Variants in ITPK1 observed in about 807,000 individuals in gnomAD.
ITPK1 encodes the protein inositol-tetrakisphosphate 1-kinase.
ITPK1 carries 21 observed loss-of-function variants against 45.3 expected under a neutral mutation model. The observed-to-expected ratio is 0.46, with a 90% CI of 0.33 to 0.67. ITPK1 has a LOEUF of 0.67. Among genes scored for constraint, ITPK1 ranks in the 30% least tolerant of loss-of-function variants. The pLI is 0.02. For synonymous variants in ITPK1, 258 were observed against 253.6 expected (o/e 1.02, Z -0.16); for missense variants, 474 against 573.5 (o/e 0.83, Z 1.77).
Position 92,951,291 on chromosome 14 carries a change from G to A in ITPK1, c.738+655C>T, listed in dbSNP as rs572092787. Among the ~76,000 whole-genome samples the A allele has an allele frequency of 5.1e-4, 77 of 152,362 alleles. No individual in the cohort carries two copies. The Middle Eastern group carries it at 0.031, about 61-fold the overall frequency. On this transcript the variant is annotated intron_variant, in intron 9 of 10. Transcript: ENST00000267615. ...TCAGGAATCACTGGTGAGGTCAGAA[G>A]TCCTAAATTCCTGGAAGATCCAACT...
At chr14:93,007,195 G>A (rs974000322) in intron 4 of ITPK1, among the ~76,000 whole-genome samples, 2 of 152,140 alleles carry the variant, frequency 1.3e-5, no homozygotes, top group Admixed American at 6.5e-5. Context: ...GCAGCCCCAC[G>A]CCCCCTAAGC....
At chr14:92,971,619 G>A (rs926556004) in intron 5 of ITPK1, among the ~76,000 whole-genome samples, 1 of 152,238 alleles carries the variant, frequency 6.6e-6, no homozygotes, top group Non-Finnish European at 1.5e-5. Flanking sequence ...CAGCACTGAT[G>A]CCACAATGCC....
At position 93,012,139 on chromosome 14, in the gene ITPK1, C is replaced by T. The variant is rs931834951; in HGVS notation, c.246+4537G>A. Among the ~76,000 whole-genome samples, 1 of 152,070 alleles carries T rather than the reference C, an allele frequency of 6.6e-6. No individual in the cohort carries two copies. The highest frequency in any genetic ancestry group is 1.5e-5 in the Non-Finnish European group (1 of 68,018). ...AGGCCGCCCCAGCGCATGACCAGCA[C>T]TGGGCATGCGCCGCCACCCAAACAC... On this transcript the variant is annotated intron_variant, in intron 4 of 10. Coordinates refer to ENST00000267615, the MANE Select transcript of ITPK1 (RefSeq NM_014216.6). The surrounding 1 kb of genome is among the most constrained non-coding windows in gnomAD (Gnocchi z 4.9).
At chr14:93,030,162 T>C (rs1165554448) in intron 3 of ITPK1, among the ~76,000 whole-genome samples, 2 of 152,226 alleles carry the variant, frequency 1.3e-5, no homozygotes, top group South Asian at 2.1e-4. Flanking sequence ...GCACCCCGCA[T>C]TTACACTCAG....
At chr14:92,970,040 C>G (rs1395521144) in intron 5 of ITPK1, among the ~76,000 whole-genome samples, 2 of 152,130 alleles carry the variant, frequency 1.3e-5, no homozygotes, top group Non-Finnish European at 2.9e-5. Flanking sequence ...AGGCTGGCCT[C>G]CCGCGTCACA....
chr14:92,986,460 C>T (rs1352736675), intron 5 of ITPK1, among the ~76,000 whole-genome samples: 5 of 152,180 alleles, frequency 3.3e-5, no homozygotes, highest in Non-Finnish European at 5.9e-5. Context: ...AGTCTGTTCA[C>T]CAACTGGCCT....
Position 93,106,964 on chromosome 14 carries a change from C to CTT in ITPK1, c.95+8103_95+8104dup, listed in dbSNP as rs36024862. On this transcript the variant is annotated intron_variant, in intron 2 of 10. Transcript: ENST00000267615. ...AGGCAGTTATTGATCCACTAACATA[C>CTT]TTTTTTTTTTTGAGACAGAGTCCAG... 9.3e-3 allele frequency among the ~76,000 whole-genome samples: 1,391 copies of CTT among 148,920 alleles called. 24 individuals are homozygous for CTT. Among genetic ancestry groups the CTT allele is most frequent in the African/African-American group, 0.032 (1,305 of 40,656 alleles).
intron 9 of ITPK1, 124 bp from the exon 10 acceptor site, chr14:92,946,617 G>T: frequency 1.0e-6 from 1 of 972,646 alleles, no homozygotes; most frequent in South Asian, 1.5e-5. Flanking sequence ...AAGCCAGACA[G>T]ACCTACTGTG....
At chr14:93,060,726 C>G (rs1890482144) in intron 3 of ITPK1, among the ~76,000 whole-genome samples, 1 of 152,104 alleles carries the variant, frequency 6.6e-6, no homozygotes, top group African/African-American at 2.4e-5. Flanking sequence ...GTAGAAAGAG[C>G]CTAGGCCATA....
intron 3 of ITPK1, among the ~76,000 whole-genome samples, chr14:93,053,602 G>A (rs1890108552): frequency 6.6e-6 from 1 of 152,242 alleles, no homozygotes; most frequent in African/African-American, 2.4e-5. Context: ...CACAGAATGT[G>A]CAACACCAAG....
intron 3 of ITPK1, among the ~76,000 whole-genome samples, chr14:93,035,158 T>C (rs1015888815): frequency 2.6e-5 from 4 of 152,224 alleles, no homozygotes; most frequent in African/African-American, 7.2e-5. Context: ...CTGTGGGACC[T>C]TGGTCACATT....
intron 3 of ITPK1, among the ~76,000 whole-genome samples, chr14:93,075,326 C>CAAAAAAA (rs58089863): frequency 1.1e-4 from 6 of 53,972 alleles, no homozygotes; most frequent in African/African-American, 1.4e-4. Context: ...GACTCCTTCT[C>CAAAAAAA]AAAAAAAAAA....
At position 93,076,710 on chromosome 14, in the gene ITPK1, C is replaced by T. The variant is rs1891236091; in HGVS notation, c.96-91G>A. 6.6e-7 allele frequency: 1 copy of T among 1,515,312 alleles called. No homozygotes were observed. Among genetic ancestry groups the T allele is most frequent in the Non-Finnish European group, 9.2e-7 (1 of 1,092,006 alleles). 93.9% of individuals were successfully genotyped at this position (1,515,312 alleles called of 1,614,324 possible). On this transcript the variant is annotated intron_variant, in intron 2 of 10. Transcript: ENST00000267615. This position sits in a 1 kb window ranked among gnomAD's most constrained non-coding sequence, Gnocchi z 4.3. Reference sequence around the variant, plus strand: ...CCCGACAGCCGGCTGAGGGCAGGACCATGAGAGGGTTTCAGGAGGGAGCCG... The same window carrying T: ...CCCGACAGCCGGCTGAGGGCAGGACTATGAGAGGGTTTCAGGAGGGAGCCG...
intron 3 of ITPK1, among the ~76,000 whole-genome samples, chr14:93,061,208 G>A (rs1890505228): frequency 1.3e-5 from 2 of 152,248 alleles, no homozygotes; most frequent in East Asian, 3.8e-4. Flanking sequence ...CAGATCTGGG[G>A]CCAGGCTGTG....
At chr14:93,062,723 A>G (rs1353831995) in intron 3 of ITPK1, among the ~76,000 whole-genome samples, 1 of 152,156 alleles carries the variant, frequency 6.6e-6, no homozygotes, top group Non-Finnish European at 1.5e-5. Flanking sequence ...TTGAAGTCGT[A>G]AAGCAGGTCA....
intron 3 of ITPK1, among the ~76,000 whole-genome samples, chr14:93,019,149 C>A (rs931642150): frequency 2.0e-5 from 3 of 152,156 alleles, no homozygotes; most frequent in African/African-American, 7.2e-5. Flanking sequence ...GCACCACAAA[C>A]GAGAGGCCAA....
intron 2 of ITPK1, 69 bp downstream of exon 2, chr14:93,115,000 G>A: frequency 3.6e-6 from 3 of 831,124 alleles, no homozygotes; most frequent in Admixed American, 3.3e-5. Flanking sequence ...AGGCTGCACC[G>A]GGCTCGGGCC....
chr14:92,991,453 C>G (rs867342333), intron 5 of ITPK1, among the ~76,000 whole-genome samples: 1 of 152,044 alleles, frequency 6.6e-6, no homozygotes, highest in Non-Finnish European at 1.5e-5. Flanking sequence ...ACCAAGCATG[C>G]GTTAGGGTTT....
At chr14:92,997,714 G>A (rs757209849) in intron 4 of ITPK1, among the ~76,000 whole-genome samples, 20 of 152,274 alleles carry the variant, frequency 1.3e-4, no homozygotes, top group East Asian at 1.9e-4. Flanking sequence ...TCCCTCGCAG[G>A]GCCTGCCAGC....
Sources: gnomAD v4.1 joint callset for allele counts (sites outside exome capture counted in the v4.1 genomes callset) on GRCh38, gnomAD v4.1.1 for gene constraint, Gnocchi (gnomAD v3.1) non-coding constraint, MANE v1.5 for transcripts, NCBI Gene and HGNC (gene_info 2026-07-23, HGNC 2026-07-21) for gene names.